Variants in SUSD1 observed in about 807,000 individuals in gnomAD.
SUSD1 encodes sushi domain containing 1.
In SUSD1, 65 loss-of-function variants were observed where a neutral mutation model predicts 86.9. That is an observed-to-expected ratio of 0.75 (90% CI 0.61 to 0.92). The LOEUF (loss-of-function observed/expected upper bound fraction) is 0.92. Ranked by LOEUF, SUSD1 falls within the 40% of genes least tolerant of loss-of-function variation. The pLI is 0.00. For synonymous variants in SUSD1, 346 were observed against 350.0 expected (o/e 0.99, Z 0.13); for missense variants, 850 against 929.7 (o/e 0.91, Z 1.11).
chr9:112,099,684 A>C (rs1448323398), intron 9 of SUSD1, among the ~76,000 whole-genome samples: 5 of 152,212 alleles, frequency 3.3e-5, no homozygotes, highest in Non-Finnish European at 5.9e-5. Context: ...GTTAGGGTGC[A>C]TTAGCTGGTG....
intron 10 of SUSD1, among the ~76,000 whole-genome samples, chr9:112,096,239 T>A (rs537730037): frequency 1.6e-4 from 25 of 152,284 alleles, no homozygotes; most frequent in African/African-American, 5.8e-4. Context: ...ATGCTAGAGT[T>A]TAGACCTCAT....
At chr9:112,140,972 A>T (rs2131747906) in intron 5 of SUSD1, among the ~76,000 whole-genome samples, 1 of 152,376 alleles carries the variant, frequency 6.6e-6, no homozygotes, top group Middle Eastern at 3.4e-3. Context: ...ATGATACAGT[A>T]AAAATACAGA....
At chr9:112,124,528 G>C (rs1831688374) in intron 5 of SUSD1, 92 bp from the exon 6 acceptor site, 2 of 1,239,506 alleles carry the variant, frequency 1.6e-6, no homozygotes, top group Non-Finnish European at 2.2e-6. Flanking sequence ...TAGTGATAGA[G>C]GCCACTCAAA....
At chr9:112,147,743 TG>T (rs1442410453) in intron 3 of SUSD1, among the ~76,000 whole-genome samples, 5 of 152,200 alleles carry the variant, frequency 3.3e-5, no homozygotes, top group African/African-American at 1.2e-4. Flanking sequence ...CACTCCAGCC[TG>T]GGCAACAGAG....
rs147778041 is a variant in SUSD1 at position 112,068,629 on chromosome 9, G to T, written c.1754-5596C>A. On this transcript the variant is annotated intron_variant, in intron 12 of 16. Transcript: ENST00000374270. The stretch of plus-strand genomic sequence containing the variant: ...AGGTGGGAGGATTGCTTGAGCCCGG[G>T]AGGCAGAGGTTGCAGTGAGCCAAGA... Among the ~76,000 whole-genome samples, 26 of 151,746 alleles carry T rather than the reference G, an allele frequency of 1.7e-4. No individual in the cohort carries two copies. The East Asian group carries it at 4.1e-3, about 24-fold the overall frequency.
At chr9:112,132,522 G>C (rs935736517) in intron 5 of SUSD1, among the ~76,000 whole-genome samples, 1 of 152,196 alleles carries the variant, frequency 6.6e-6, no homozygotes, top group African/African-American at 2.4e-5. Context: ...AATCCAGTCA[G>C]AAGGCTAACA....
chr9:112,061,490 C>T, intron 13 of SUSD1, among the ~76,000 whole-genome samples: 1 of 152,196 alleles, frequency 6.6e-6, no homozygotes, highest in South Asian at 2.1e-4. Context: ...CGCTGGCCGG[C>T]ATATAGCCAC....
intron 6 of SUSD1, among the ~76,000 whole-genome samples, chr9:112,116,217 TA>T (rs910597126): frequency 5.9e-5 from 9 of 152,224 alleles, no homozygotes; most frequent in African/African-American, 2.2e-4. Flanking sequence ...ATGACAACTG[TA>T]AATGGCATCT....
intron 3 of SUSD1, among the ~76,000 whole-genome samples, chr9:112,145,035 A>T (rs779632480): frequency 6.6e-6 from 1 of 152,016 alleles, no homozygotes. Context: ...TAAGTCCGGG[A>T]GTTCAAGGCC....
At chr9:112,136,556 C>T (rs1461900229) in intron 5 of SUSD1, among the ~76,000 whole-genome samples, 1 of 152,152 alleles carries the variant, frequency 6.6e-6, no homozygotes, top group Non-Finnish European at 1.5e-5. Flanking sequence ...TTCAAATGAG[C>T]AAACATCCTA....
chr9:112,102,696 G>A (rs1830680281), intron 8 of SUSD1, among the ~76,000 whole-genome samples: 1 of 152,140 alleles, frequency 6.6e-6, no homozygotes. Context: ...CTGAGAATAA[G>A]GAAAACGGCA....
At chr9:112,160,004 A>T (rs1254065888) in intron 1 of SUSD1, among the ~76,000 whole-genome samples, 1 of 152,042 alleles carries the variant, frequency 6.6e-6, no homozygotes, top group African/African-American at 2.4e-5. Flanking sequence ...CCTAAAAAAG[A>T]GAGAGAAAAG....
At chr9:112,097,253 G>A (rs907185003) in intron 10 of SUSD1, among the ~76,000 whole-genome samples, 2 of 151,836 alleles carry the variant, frequency 1.3e-5, no homozygotes, top group East Asian at 2.0e-4. Flanking sequence ...TTGAGCCCAG[G>A]AGGTGGAGGT....
At chr9:112,094,342 T>C (rs1830313247) in intron 10 of SUSD1, among the ~76,000 whole-genome samples, 1 of 152,174 alleles carries the variant, frequency 6.6e-6, no homozygotes, top group Non-Finnish European at 1.5e-5. Flanking sequence ...GAGAGAACTG[T>C]AGAAAGACTG....
intron 10 of SUSD1, among the ~76,000 whole-genome samples, chr9:112,091,677 T>C (rs1830211151): frequency 6.6e-6 from 1 of 152,228 alleles, no homozygotes; most frequent in Non-Finnish European, 1.5e-5. Flanking sequence ...ATAAATCAAC[T>C]ATCCTGAAAG....
chr9:112,089,843 G>C (rs1365683371), intron 10 of SUSD1, among the ~76,000 whole-genome samples: 1 of 147,828 alleles, frequency 6.8e-6, no homozygotes, highest in Non-Finnish European at 1.5e-5. Context: ...GAAAAGAAAA[G>C]AAAAGAAAGC....
chr9:112,087,503 A>G (rs1564283244), intron 10 of SUSD1, among the ~76,000 whole-genome samples: 1 of 152,154 alleles, frequency 6.6e-6, no homozygotes, highest in Non-Finnish European at 1.5e-5. Flanking sequence ...AACTTAAAAC[A>G]TAAATGGACA....
rs370955309 is a variant in SUSD1, at chr9:112,063,479, A to C, written c.1754-446T>G. 2.6e-5 allele frequency among the ~76,000 whole-genome samples: 4 copies of C among 152,344 alleles called. No individual in the cohort carries two copies. The South Asian group carries it at 8.3e-4, about 32-fold the overall frequency. ...TTTGCCACAATAAAAAGAAGTGATG[A>C]GTATATCATGGCACTGGCAGAGGAT... On this transcript the variant is annotated intron_variant, in intron 12 of 16. Transcript: ENST00000374270.
chr9:112,130,236 G>C (rs1831956926), intron 5 of SUSD1, among the ~76,000 whole-genome samples: 2 of 152,118 alleles, frequency 1.3e-5, no homozygotes, highest in African/African-American at 2.4e-5. Context: ...AGTCAGGTGT[G>C]GTGGCGCATG....
Sources: allele counts gnomAD v4.1 joint callset (sites outside exome capture counted in the v4.1 genomes callset), GRCh38; gene constraint gnomAD v4.1.1; transcripts MANE v1.5; gene names NCBI Gene and HGNC (gene_info 2026-07-23, HGNC 2026-07-21).